Variants in RTN1 observed in about 807,000 individuals in gnomAD.
RTN1 encodes the protein reticulon 1.
RTN1 carries 25 observed loss-of-function variants against 65.5 expected under a neutral mutation model. That is an observed-to-expected ratio of 0.38 (90% CI 0.28 to 0.53). RTN1 has a LOEUF of 0.53. Ranked by LOEUF, RTN1 falls within the 20% of genes least tolerant of loss-of-function variation. The pLI, the probability that RTN1 is intolerant of heterozygous loss-of-function variation, is 0.79. For synonymous variants in RTN1, 471 were observed against 447.6 expected, an observed-to-expected ratio of 1.05 and a Z score of -0.66; for missense variants, 983 against 1,025.4, an observed-to-expected ratio of 0.96 and a Z score of 0.57.
intron 3 of RTN1, among the ~76,000 whole-genome samples, chr14:59,616,086 T>C (rs140323491): frequency 6.6e-6 from 1 of 152,310 alleles, no homozygotes; most frequent in Non-Finnish European, 1.5e-5. Flanking sequence ...AGTCCAAAAA[T>C]AACATTTGGC....
intron 3 of RTN1, among the ~76,000 whole-genome samples, chr14:59,610,991 T>C (rs903452945): frequency 1.3e-5 from 2 of 152,162 alleles, no homozygotes; most frequent in Non-Finnish European, 2.9e-5. Flanking sequence ...CAATCAGCAC[T>C]CCTGGTTCAC....
chr14:59,681,234 G>T (rs1209080560), intron 3 of RTN1, among the ~76,000 whole-genome samples: 1 of 151,892 alleles, frequency 6.6e-6, no homozygotes, highest in African/African-American at 2.4e-5. Flanking sequence ...AGCATTATTT[G>T]CTATGAACAA....
At chr14:59,801,505 T>C (rs60710448) in intron 1 of RTN1, among the ~76,000 whole-genome samples, 30,566 of 152,032 alleles carry the variant, frequency 0.2, 4,398 homozygotes, top group African/African-American at 0.4. Flanking sequence ...CTATACTCAG[T>C]GAAAACATAT....
rs1254686200 is a variant in RTN1 at position 59,816,791 on chromosome 14, G to A, written c.241+53599C>T. On this transcript the variant is annotated intron_variant, in intron 1 of 8. Transcript: ENST00000267484. This position sits in a 1 kb window ranked among gnomAD's most constrained non-coding sequence, Gnocchi z 4.3. The stretch of plus-strand genomic sequence containing the variant: ...TCTACAAAAAATACAATATTAGCTG[G>A]GTGTGGTGGCATGTGCCTGTGGTCC... 6.6e-6 allele frequency among the ~76,000 whole-genome samples: 1 copy of A among 152,094 alleles called. No homozygotes were observed. Among genetic ancestry groups the A allele is most frequent in the African/African-American group, 2.4e-5 (1 of 41,404 alleles).
chr14:59,786,127 G>T (rs1320397772), intron 1 of RTN1, among the ~76,000 whole-genome samples: 1 of 152,182 alleles, frequency 6.6e-6, no homozygotes, highest in African/African-American at 2.4e-5. Context: ...AGGACCACAG[G>T]CAGCATAGAG....
intron 1 of RTN1, among the ~76,000 whole-genome samples, chr14:59,772,087 T>A (rs772737927): frequency 5.9e-5 from 9 of 152,238 alleles, no homozygotes; most frequent in African/African-American, 9.6e-5. Flanking sequence ...AAATAACTTT[T>A]TATATCTGGA....
intron 1 of RTN1, among the ~76,000 whole-genome samples, chr14:59,760,030 C>T (rs965726646): frequency 3.3e-5 from 5 of 152,020 alleles, no homozygotes; most frequent in Admixed American, 1.3e-4. Flanking sequence ...GACACACTTG[C>T]ACATGTACAA....
At chr14:59,684,990 G>A (rs1883818017) in intron 3 of RTN1, among the ~76,000 whole-genome samples, 1 of 152,026 alleles carries the variant, frequency 6.6e-6, no homozygotes, top group Non-Finnish European at 1.5e-5. Flanking sequence ...TGATCAAGTG[G>A]GATTCATCCC....
chr14:59,800,331 ATT>A (rs974058311), intron 1 of RTN1, among the ~76,000 whole-genome samples: 4 of 152,180 alleles, frequency 2.6e-5, no homozygotes, highest in African/African-American at 9.7e-5. Flanking sequence ...CTCTTTCTCT[ATT>A]ATTTTTTGAT....
Position 59,794,260 on chromosome 14 carries a change from C to A in RTN1, c.242-47779G>T, listed in dbSNP as rs933742949. 6.6e-6 allele frequency among the ~76,000 whole-genome samples: 1 copy of A among 152,156 alleles called. No individual in the cohort carries two copies. ...CCCTCTTTAATCACTGGTTGAAGAACAAGAAGTTTTCTGTGCCCTTGAGTG... is the reference window on the plus strand; with the variant it reads ...CCCTCTTTAATCACTGGTTGAAGAAAAAGAAGTTTTCTGTGCCCTTGAGTG... On this transcript the variant is annotated intron_variant, in intron 1 of 8. Coordinates refer to ENST00000267484, the MANE Select transcript of RTN1 (RefSeq NM_021136.3). The surrounding 1 kb of genome is among the most constrained non-coding windows in gnomAD (Gnocchi z 5.1).
intron 1 of RTN1, among the ~76,000 whole-genome samples, chr14:59,747,380 C>T (rs1042508106): frequency 1.3e-5 from 2 of 152,216 alleles, no homozygotes; most frequent in Non-Finnish European, 2.9e-5. Context: ...GAGGCCGAGG[C>T]AGGCGGATCT....
chr14:59,627,982 T>A (rs912920684), intron 3 of RTN1, among the ~76,000 whole-genome samples: 1 of 152,224 alleles, frequency 6.6e-6, no homozygotes, highest in East Asian at 1.9e-4. Flanking sequence ...CACCCATTTT[T>A]TTTTTTTAAA....
chr14:59,666,446 T>C (rs762316475), intron 3 of RTN1, among the ~76,000 whole-genome samples: 2 of 152,114 alleles, frequency 1.3e-5, no homozygotes, highest in Non-Finnish European at 2.9e-5. Context: ...AAGCAGTGTG[T>C]AGAGGGAAAT....
At chr14:59,641,393 A>G (rs1334093287) in intron 3 of RTN1, among the ~76,000 whole-genome samples, 2 of 152,016 alleles carry the variant, frequency 1.3e-5, no homozygotes, top group Non-Finnish European at 2.9e-5. Flanking sequence ...TTTTTGAGAC[A>G]GAGTTTCACT....
chr14:59,713,204 G>A (rs954971416), intron 3 of RTN1, among the ~76,000 whole-genome samples: 1 of 152,162 alleles, frequency 6.6e-6, no homozygotes, highest in African/African-American at 2.4e-5. Context: ...CTTTAACGCA[G>A]TGAAAAGGGG....
chr14:59,611,561 G>A (rs1044966577), intron 3 of RTN1, among the ~76,000 whole-genome samples: 1 of 152,174 alleles, frequency 6.6e-6, no homozygotes, highest in Non-Finnish European at 1.5e-5. Flanking sequence ...GCCTATGGGG[G>A]GTGTCTGTAG....
At chr14:59,711,951 G>C (rs1488463510) in intron 3 of RTN1, among the ~76,000 whole-genome samples, 1 of 152,116 alleles carries the variant, frequency 6.6e-6, no homozygotes, top group Non-Finnish European at 1.5e-5. Flanking sequence ...TTTAAGAGCT[G>C]GTGTCAGCTC....
At chr14:59,749,130 ATC>A (rs1885299443) in intron 1 of RTN1, among the ~76,000 whole-genome samples, 1 of 17,148 alleles carries the variant, frequency 5.8e-5, no homozygotes, top group African/African-American at 1.7e-4. Flanking sequence ...ATATAGATAT[ATC>A]TATATCTATC....
chr14:59,730,827 C>T (rs1884881606), intron 2 of RTN1, among the ~76,000 whole-genome samples: 1 of 152,122 alleles, frequency 6.6e-6, no homozygotes, highest in African/African-American at 2.4e-5. Context: ...ACTAGGATGG[C>T]TATAATCAAA....
Sources: gnomAD v4.1 joint callset for allele counts (sites outside exome capture counted in the v4.1 genomes callset) on GRCh38, gnomAD v4.1.1 for gene constraint, Gnocchi (gnomAD v3.1) non-coding constraint, MANE v1.5 for transcripts, NCBI Gene and HGNC (gene_info 2026-07-23, HGNC 2026-07-21) for gene names.